CALN1: variants seen among roughly 807,000 people sequenced by gnomAD.
The protein encoded by CALN1 is calneuron 1, also known as calcium-binding protein 8.
A neutral mutation model predicts 30.6 loss-of-function variants in CALN1; 17 were observed. The observed-to-expected ratio is 0.56, with a 90% CI of 0.38 to 0.83. The LOEUF is 0.83. Among genes scored for constraint, CALN1 ranks in the 40% least tolerant of loss-of-function variants. The pLI, the probability that CALN1 is intolerant of heterozygous loss-of-function variation, is 0.00. For missense variants in CALN1, 291 were observed against 354.9 expected (o/e 0.82, Z 1.45); for synonymous variants, 156 against 131.4 (o/e 1.19, Z -1.28).
intron 2 of CALN1, among the ~76,000 whole-genome samples, chr7:72,336,157 G>T (rs921015613): frequency 1.3e-5 from 2 of 152,152 alleles, no homozygotes; most frequent in Admixed American, 1.3e-4. Flanking sequence ...CGCCCAGAAA[G>T]GCAAGCAGTC....
chr7:71,798,401 A>C (rs186385130), intron 6 of CALN1, among the ~76,000 whole-genome samples: 1 of 152,068 alleles, frequency 6.6e-6, no homozygotes, highest in Admixed American at 6.6e-5. Flanking sequence ...TACAGCCTCA[A>C]TCTCTTAGGC....
intron 4 of CALN1, among the ~76,000 whole-genome samples, chr7:72,098,593 A>T (rs1806401716): frequency 6.6e-6 from 1 of 152,138 alleles, no homozygotes; most frequent in African/African-American, 2.4e-5. Context: ...CTGTAGTCCC[A>T]GCCATTTGGG....
At chr7:72,172,600 T>A (rs1789047713) in intron 3 of CALN1, among the ~76,000 whole-genome samples, 1 of 152,210 alleles carries the variant, frequency 6.6e-6, no homozygotes, top group Non-Finnish European at 1.5e-5. Flanking sequence ...ACATCATGAC[T>A]AAGTAGGGTT....
chr7:72,233,193 G>GAA (rs200734987), intron 3 of CALN1, among the ~76,000 whole-genome samples: 7 of 117,892 alleles, frequency 5.9e-5, no homozygotes, highest in South Asian at 3.0e-4. Flanking sequence ...CTGTAAAAAG[G>GAA]AAAAAAAAAA....
chr7:72,170,624 C>A (rs1177689347), intron 3 of CALN1, among the ~76,000 whole-genome samples: 1 of 152,168 alleles, frequency 6.6e-6, no homozygotes, highest in African/African-American at 2.4e-5. Context: ...AGTCCTACAT[C>A]CTAAGCTCCA....
chr7:72,407,575 C>T (rs929317071), intron 1 of CALN1, among the ~76,000 whole-genome samples: 5 of 152,176 alleles, frequency 3.3e-5, no homozygotes, highest in South Asian at 2.1e-4. Context: ...TGCCTGTTTC[C>T]CCTTGGCCTT....
chr7:72,343,307 C>G (rs561601591), intron 2 of CALN1, among the ~76,000 whole-genome samples: 8 of 152,234 alleles, frequency 5.3e-5, no homozygotes, highest in African/African-American at 1.9e-4. Flanking sequence ...CCTGTAATCC[C>G]AGGCCGACGC....
At chr7:72,199,805 A>G (rs1197180370) in intron 3 of CALN1, among the ~76,000 whole-genome samples, 2 of 152,080 alleles carry the variant, frequency 1.3e-5, no homozygotes, top group Admixed American at 6.6e-5. Context: ...GCACCACTAT[A>G]CTCCAGCCTG....
chr7:72,402,084 A>G (rs550569034), intron 2 of CALN1, among the ~76,000 whole-genome samples: 86 of 152,282 alleles, frequency 5.6e-4, no homozygotes, highest in African/African-American at 2.0e-3. Flanking sequence ...CCTTGCTCTG[A>G]GCCTGCCCTT....
chr7:72,116,744 CCT>C (rs1252491481), intron 3 of CALN1, among the ~76,000 whole-genome samples: 17 of 152,120 alleles, frequency 1.1e-4, no homozygotes, highest in Admixed American at 1.1e-3. Context: ...CCCAGATTCA[CCT>C]TGGCCAGCTA....
chr7:72,332,187 CAGA>C (rs1349729169), intron 2 of CALN1, among the ~76,000 whole-genome samples: 2 of 152,138 alleles, frequency 1.3e-5, no homozygotes, highest in Admixed American at 6.5e-5. Context: ...ACAGCAGCAG[CAGA>C]GATACTCCTT....
chr7:72,001,355 A>G (rs1324218575), intron 5 of CALN1, among the ~76,000 whole-genome samples: 2 of 152,344 alleles, frequency 1.3e-5, no homozygotes, highest in East Asian at 3.9e-4. Context: ...ACTAAGTGGC[A>G]AAGTGGCAGA....
chr7:72,109,383 T>C (rs1289556431), intron 3 of CALN1, among the ~76,000 whole-genome samples: 1 of 152,122 alleles, frequency 6.6e-6, no homozygotes, highest in Middle Eastern at 3.2e-3. Flanking sequence ...CCAGCCCTTC[T>C]TTCTGTGCAT....
intron 3 of CALN1, among the ~76,000 whole-genome samples, chr7:72,259,597 A>T (rs527793064): frequency 6.6e-6 from 1 of 152,162 alleles, no homozygotes; most frequent in Admixed American, 6.5e-5. Context: ...CCCACCAATT[A>T]TGAGTTGTGT....
At chr7:72,497,052 G>A in the CALN1 span, among the ~76,000 whole-genome samples, 2 of 152,160 alleles carry the variant, frequency 1.3e-5, no homozygotes, top group Admixed American at 1.3e-4. Context: ...TCTGTGCATG[G>A]AGGAAAGATT....
At chr7:72,010,813 A>G (rs536241666) in intron 5 of CALN1, among the ~76,000 whole-genome samples, 2 of 151,222 alleles carry the variant, frequency 1.3e-5, no homozygotes, top group Admixed American at 6.6e-5. Context: ...CTCAAAAAAA[A>G]AAAAGAAAAG....
intron 5 of CALN1, chr7:71,942,246 C>A: frequency 5.1e-6 from 1 of 194,290 alleles, no homozygotes; most frequent in Admixed American, 5.8e-5. Context: ...TGCCAGACCG[C>A]CACGCCGCCG....
At chr7:72,485,781 G>A in the CALN1 span, among the ~76,000 whole-genome samples, 1 of 152,086 alleles carries the variant, frequency 6.6e-6, no homozygotes, top group African/African-American at 2.4e-5. Flanking sequence ...TGAGGCAGGA[G>A]AATCACTTGA....
At chr7:71,997,060 T>C (rs1444445910) in intron 5 of CALN1, among the ~76,000 whole-genome samples, 1 of 152,048 alleles carries the variant, frequency 6.6e-6, no homozygotes, top group Non-Finnish European at 1.5e-5. Flanking sequence ...AGACTTTATT[T>C]CTACAAAAAC....
Sources: gnomAD v4.1 joint callset for allele counts (sites outside exome capture counted in the v4.1 genomes callset) on GRCh38, gnomAD v4.1.1 for gene constraint, MANE v1.5 for transcripts, NCBI Gene and HGNC (gene_info 2026-07-23, HGNC 2026-07-21) for gene names.